The following UVRAG variants were observed in gnomAD, a reference collection of about 807,000 sequenced individuals.
UVRAG encodes UV radiation resistance associated, also known as UV radiation resistance-associated gene protein.
In UVRAG, 19 loss-of-function variants were observed where a neutral mutation model predicts 78.0. That is an observed-to-expected ratio of 0.24 (90% confidence interval 0.17 to 0.36). The LOEUF (loss-of-function observed/expected upper bound fraction) is 0.36, where lower values mean the gene tolerates loss of function less well. UVRAG is among the 10% of genes least tolerant of loss of function. The pLI, the probability that UVRAG is intolerant of heterozygous loss-of-function variation, is 1.00. For missense variants in UVRAG, 740 were observed against 853.8 expected, an observed-to-expected ratio of 0.87 and a Z score of 1.66; for synonymous variants, 323 against 324.6, an observed-to-expected ratio of 1.00 and a Z score of 0.05.
chr11:76,088,589 C>A (rs945784880), intron 13 of UVRAG, among the ~76,000 whole-genome samples: 2 of 151,814 alleles, frequency 1.3e-5, no homozygotes, highest in African/African-American at 4.8e-5. Context: ...TCAACTCCTG[C>A]AACCACTTAC....
Position 76,142,370 on chromosome 11 carries a change from A to G in UVRAG, c.*957A>G, listed in dbSNP as rs1952739012. On this transcript the variant is annotated 3_prime_UTR_variant, in exon 15 of 15. Transcript: ENST00000356136. ...GGTCAGCATTTACATGACAGAATGTATGTAGAGAGTTGGGGTGTCTGGTAG... is the reference window on the plus strand; with the variant it reads ...GGTCAGCATTTACATGACAGAATGTGTGTAGAGAGTTGGGGTGTCTGGTAG... The G allele has an allele frequency of 6.6e-6, 1 of 152,368 alleles. No homozygotes were observed. The allele number at this position is 152,368 out of a possible 1,614,324, so 9.4% of individuals were successfully genotyped here.
At chr11:75,840,811 C>T (rs1590921577) in intron 1 of UVRAG, among the ~76,000 whole-genome samples, 1 of 152,134 alleles carries the variant, frequency 6.6e-6, no homozygotes. Context: ...TTAAAGCATT[C>T]TTGTGTTCTT....
At chr11:75,882,959 TGG>T (rs1202167550) in intron 4 of UVRAG, among the ~76,000 whole-genome samples, 7 of 152,208 alleles carry the variant, frequency 4.6e-5, no homozygotes, top group Non-Finnish European at 1.0e-4. Flanking sequence ...TAATGACTTT[TGG>T]TTTAGGCCAG....
intron 8 of UVRAG, among the ~76,000 whole-genome samples, chr11:76,002,642 CACTA>C (rs1420885870): frequency 6.6e-6 from 1 of 152,148 alleles, no homozygotes; most frequent in Non-Finnish European, 1.5e-5. Context: ...CTTAAAAAAT[CACTA>C]AGGTGAAGAT....
chr11:75,926,796 A>T (rs1297409659), intron 6 of UVRAG, among the ~76,000 whole-genome samples: 2 of 151,998 alleles, frequency 1.3e-5, no homozygotes, highest in Non-Finnish European at 2.9e-5. Flanking sequence ...ATATTTAGAG[A>T]ATATAAATAT....
intron 9 of UVRAG, among the ~76,000 whole-genome samples, chr11:76,006,660 CAAAAAAAA>C (rs762221601): frequency 0.021 from 1,288 of 62,354 alleles, 16 homozygotes; most frequent in Admixed American, 0.034. Context: ...GACCCCGTCT[CAAAAAAAA>C]AAAAAAAAAA....
intron 13 of UVRAG, among the ~76,000 whole-genome samples, chr11:76,091,509 T>C (rs1461346077): frequency 6.6e-6 from 1 of 152,158 alleles, no homozygotes; most frequent in East Asian, 1.9e-4. Context: ...CGTTTAGATA[T>C]TAGGTTTCCT....
rs145298715 is a variant in UVRAG at position 75,879,965 on chromosome 11, T to A, written c.357T>A (p.Gly119=). The A allele has an allele frequency of 5.4e-5, 87 of 1,614,028 alleles. No homozygotes were observed. The African/African-American group carries it at 1.1e-3, about 21-fold the overall frequency. Residue 119 remains glycine, a synonymous_variant, in exon 4 of 15, where the codon GGT becomes GGA. Transcript: ENST00000356136. ...SVSCFVVKIW[G]GKENIYQLLI... ...CTTGTTTCGTGGTGAAGATATGGGG[T>A]GGAAAGGAGAACATCTACCAGCTGT...
intron 1 of UVRAG, among the ~76,000 whole-genome samples, chr11:75,821,093 C>T (rs952529713): frequency 6.6e-6 from 1 of 152,194 alleles, no homozygotes; most frequent in African/African-American, 2.4e-5. Context: ...TCGCCTCCTA[C>T]CAGCCCCTGG....
intron 13 of UVRAG, among the ~76,000 whole-genome samples, chr11:76,078,100 C>G (rs1404503301): frequency 2.0e-5 from 3 of 152,198 alleles, no homozygotes; most frequent in African/African-American, 7.2e-5. Context: ...TATGATTAAG[C>G]ATCATGAAAT....
intron 12 of UVRAG, among the ~76,000 whole-genome samples, chr11:76,056,225 G>T (rs1950982647): frequency 6.6e-6 from 1 of 152,074 alleles, no homozygotes; most frequent in African/African-American, 2.4e-5. Context: ...TCTTTCACTT[G>T]GCATATTATT....
intron 2 of UVRAG, among the ~76,000 whole-genome samples, chr11:75,861,252 A>C (rs1183381622): frequency 1.3e-5 from 2 of 152,232 alleles, no homozygotes; most frequent in Non-Finnish European, 2.9e-5. Flanking sequence ...CAGAGGTAGA[A>C]GTAGGACTTA....
chr11:76,100,654 A>T (rs1390090596), intron 13 of UVRAG, among the ~76,000 whole-genome samples: 1 of 152,212 alleles, frequency 6.6e-6, no homozygotes. Flanking sequence ...CAGTTTTGTT[A>T]TATAGGTAAA....
At chr11:75,937,753 T>C (rs1948401476) in intron 6 of UVRAG, among the ~76,000 whole-genome samples, 1 of 152,182 alleles carries the variant, frequency 6.6e-6, no homozygotes, top group Non-Finnish European at 1.5e-5. Flanking sequence ...GTTGGTATTC[T>C]TGCATCTGTG....
At chr11:75,821,536 G>A (rs1409571634) in intron 1 of UVRAG, among the ~76,000 whole-genome samples, 1 of 152,118 alleles carries the variant, frequency 6.6e-6, no homozygotes, top group Non-Finnish European at 1.5e-5. Flanking sequence ...TCGTAGAAAT[G>A]AGTCTCACTC....
intron 2 of UVRAG, among the ~76,000 whole-genome samples, chr11:75,856,748 G>T (rs112046652): frequency 5.9e-5 from 9 of 152,270 alleles, no homozygotes; most frequent in Non-Finnish European, 1.3e-4. Flanking sequence ...CCTGGGTCAA[G>T]TCTTCAAGTT....
At chr11:76,075,010 C>T (rs1209327109) in intron 13 of UVRAG, among the ~76,000 whole-genome samples, 1 of 152,182 alleles carries the variant, frequency 6.6e-6, no homozygotes, top group Non-Finnish European at 1.5e-5. Context: ...TCCTGGGGCC[C>T]ACAGTGCACA....
intron 12 of UVRAG, among the ~76,000 whole-genome samples, chr11:76,032,658 G>A (rs1795318874): frequency 6.6e-6 from 1 of 152,166 alleles, no homozygotes; most frequent in Non-Finnish European, 1.5e-5. Context: ...ATCAGCACAG[G>A]GTTGGGTTGC....
chr11:75,871,556 T>A (rs1054710387), intron 3 of UVRAG, among the ~76,000 whole-genome samples: 36 of 150,866 alleles, frequency 2.4e-4, no homozygotes, highest in Non-Finnish European at 5.0e-4. Flanking sequence ...AGTGCTCGGA[T>A]TACAGGCACG....
Sources: gnomAD v4.1 joint callset for allele counts (sites outside exome capture counted in the v4.1 genomes callset) on GRCh38, gnomAD v4.1.1 for gene constraint, MANE v1.5 for transcripts, NCBI Gene and HGNC (gene_info 2026-07-23, HGNC 2026-07-21) for gene names.